The following INSYN2B variants were observed in gnomAD, a reference collection of about 807,000 sequenced individuals.
INSYN2B encodes protein INSYN2B.
In INSYN2B, 16 loss-of-function variants were observed where a neutral mutation model predicts 41.2. The observed-to-expected ratio is 0.39, with a 90% CI of 0.26 to 0.59. INSYN2B has a LOEUF of 0.59. Ranked by LOEUF, INSYN2B falls within the 20% of genes least tolerant of loss-of-function variation. The pLI is 0.57. For missense variants in INSYN2B, 608 were observed against 646.4 expected (o/e 0.94, Z 0.64); for synonymous variants, 245 against 244.4 (o/e 1.00, Z -0.02).
chr5:169,865,288 A>G (rs1771475951), intron 3 of INSYN2B, among the ~76,000 whole-genome samples: 1 of 152,172 alleles, frequency 6.6e-6, no homozygotes, highest in Admixed American at 6.5e-5. Context: ...GTAAAAGTGA[A>G]CCTGTCGCAG....
At chr5:169,913,948 A>C (rs1459234956) in intron 1 of INSYN2B, among the ~76,000 whole-genome samples, 1 of 152,238 alleles carries the variant, frequency 6.6e-6, no homozygotes, top group Non-Finnish European at 1.5e-5. Flanking sequence ...CCATTTCTAC[A>C]GATGAAGAAA....
chr5:169,864,459 A>C lies in INSYN2B; in HGVS notation c.1422T>G (p.Ser474Arg). Residue 474 changes from serine (S) to arginine (R), a missense_variant and splice_region_variant, in exon 4 of 4, where the codon AGT (serine) becomes AGG (arginine). By Grantham distance (110) the Ser-to-Arg change is moderately radical. Transcript: ENST00000377365. Reference protein sequence around the residue: ...TCQNTACIIYSVEYDFRQQEG... With the variant: ...TCQNTACIIYRVEYDFRQQEG... Reference sequence around the variant, plus strand: ...CCTGCTGCCGAAAATCATACTCTACACTGAAAAACACAGAGAGGAAGGAAG... The same window carrying C: ...CCTGCTGCCGAAAATCATACTCTACCCTGAAAAACACAGAGAGGAAGGAAG... The C allele has an allele frequency of 1.3e-6, 2 of 1,526,250 alleles. No individual in the cohort carries two copies. Among genetic ancestry groups the C allele is most frequent in the Admixed American group, 4.2e-5 (2 of 47,660 alleles). The allele number at this position is 1,526,250 out of a possible 1,614,324, so 94.5% of individuals were successfully genotyped here. A position where few individuals can be genotyped will look rare whatever the true frequency, so the allele number is the denominator to read the frequency against.
chr5:169,927,568 G>C (rs1775525626), intron 1 of INSYN2B, among the ~76,000 whole-genome samples: 1 of 152,230 alleles, frequency 6.6e-6, no homozygotes. Context: ...AAGAATCAAA[G>C]ATAATTCTAA....
intron 1 of INSYN2B, among the ~76,000 whole-genome samples, chr5:169,932,208 C>A (rs1299590397): frequency 6.6e-6 from 1 of 152,206 alleles, no homozygotes; most frequent in Non-Finnish European, 1.5e-5. Context: ...CACCTGCACA[C>A]ACACACAGAG....
chr5:169,977,032 C>T (rs992981579), intron 1 of INSYN2B, among the ~76,000 whole-genome samples: 8 of 152,190 alleles, frequency 5.3e-5, no homozygotes, highest in South Asian at 2.1e-4. Flanking sequence ...TGTCACTGCA[C>T]GCAAAGACAG....
rs114346342 is a variant in INSYN2B, at chr5:169,936,787, G to A, written c.-919+43490C>T. 9.6e-3 allele frequency among the ~76,000 whole-genome samples: 1,461 copies of A among 152,138 alleles called. 11 individuals carry two copies. The highest frequency in any genetic ancestry group is 0.013 in the Non-Finnish European group (909 of 68,002). ...CTGATCAGAGGATACTAATTAAGAC[G>A]TGGCAATGCCCACTTAGTAAATTAG... On this transcript the variant is annotated intron_variant, in intron 1 of 3. Coordinates refer to ENST00000377365, the MANE Select transcript of INSYN2B (RefSeq NM_001129891.3).
At chr5:169,944,549 A>G (rs1377149099) in intron 1 of INSYN2B, among the ~76,000 whole-genome samples, 1 of 152,246 alleles carries the variant, frequency 6.6e-6, no homozygotes, top group African/African-American at 2.4e-5. Flanking sequence ...CCCCGTCCTC[A>G]GTGGAATCCC....
chr5:169,935,780 G>C (rs565431036), intron 1 of INSYN2B, among the ~76,000 whole-genome samples: 3 of 152,128 alleles, frequency 2.0e-5, no homozygotes, highest in African/African-American at 7.2e-5. Context: ...GAAAAAACGC[G>C]TTGTGTAAAA....
At chr5:169,978,378 T>G in intron 1 of INSYN2B, among the ~76,000 whole-genome samples, 1 of 14,250 alleles carries the variant, frequency 7.0e-5, no homozygotes, top group Admixed American at 6.9e-4. Context: ...TCTGTGTATG[T>G]GTGTGTGTGT....
intron 3 of INSYN2B, among the ~76,000 whole-genome samples, chr5:169,871,254 T>C (rs1771951302): frequency 6.6e-6 from 1 of 152,190 alleles, no homozygotes; most frequent in Non-Finnish European, 1.5e-5. Flanking sequence ...ATTTTTCTGC[T>C]TAAAGAAGGA....
intron 1 of INSYN2B, among the ~76,000 whole-genome samples, chr5:169,932,372 G>A (rs895941412): frequency 1.3e-5 from 2 of 152,144 alleles, no homozygotes; most frequent in African/African-American, 4.8e-5. Flanking sequence ...AGTTGAGGAA[G>A]AAAAGGGGAA....
intron 1 of INSYN2B, among the ~76,000 whole-genome samples, chr5:169,887,795 T>A (rs1773056554): frequency 6.6e-6 from 1 of 152,230 alleles, no homozygotes; most frequent in South Asian, 2.1e-4. Context: ...TCGTTGATAC[T>A]ACCATGTTAC....
intron 1 of INSYN2B, among the ~76,000 whole-genome samples, chr5:169,976,836 A>G (rs978079812): frequency 6.6e-6 from 1 of 152,230 alleles, no homozygotes; most frequent in Non-Finnish European, 1.5e-5. Flanking sequence ...CATGTTGTAC[A>G]GATGGAACAT....
intron 1 of INSYN2B, among the ~76,000 whole-genome samples, chr5:169,960,714 T>C (rs549151067): frequency 6.6e-6 from 1 of 152,308 alleles, no homozygotes; most frequent in South Asian, 2.1e-4. Flanking sequence ...GGTTTTACTT[T>C]CCATGGTTTG....
chr5:169,887,967 G>A (rs889765669), intron 1 of INSYN2B, among the ~76,000 whole-genome samples: 7 of 152,134 alleles, frequency 4.6e-5, no homozygotes, highest in East Asian at 1.9e-4. Context: ...CATTATTCTC[G>A]ATATGGAATT....
intron 1 of INSYN2B, among the ~76,000 whole-genome samples, chr5:169,908,305 G>A (rs1561814552): frequency 6.6e-6 from 1 of 151,924 alleles, no homozygotes; most frequent in African/African-American, 2.4e-5. Flanking sequence ...AATCAATAAA[G>A]TATATAAGCA....
chr5:169,925,185 G>A (rs990470554), intron 1 of INSYN2B, among the ~76,000 whole-genome samples: 13 of 152,268 alleles, frequency 8.5e-5, no homozygotes, highest in African/African-American at 3.1e-4. Context: ...TCTGTAGTAG[G>A]GAGCTGAGGA....
At chr5:169,922,867 A>T (rs1017934165) in intron 1 of INSYN2B, among the ~76,000 whole-genome samples, 8 of 152,184 alleles carry the variant, frequency 5.3e-5, no homozygotes, top group Admixed American at 4.6e-4. Flanking sequence ...GGGAGCTTGA[A>T]ATTTGTATGT....
chr5:169,871,252 G>C (rs1771951120), intron 3 of INSYN2B, among the ~76,000 whole-genome samples: 1 of 152,092 alleles, frequency 6.6e-6, no homozygotes, highest in Non-Finnish European at 1.5e-5. Context: ...TGATTTTTCT[G>C]CTTAAAGAAG....
Sources: allele counts gnomAD v4.1 joint callset (sites outside exome capture counted in the v4.1 genomes callset), GRCh38; gene constraint gnomAD v4.1.1; transcripts MANE v1.5; gene names NCBI Gene and HGNC (gene_info 2026-07-23, HGNC 2026-07-21).